The following HERC4 variants were observed in gnomAD, a reference collection of about 807,000 sequenced individuals.
HERC4 encodes the protein HECT and RLD domain containing E3 ubiquitin protein ligase 4, also known as probable E3 ubiquitin-protein ligase HERC4.
In HERC4, 28 loss-of-function variants were observed where a neutral mutation model predicts 124.3. That is an observed-to-expected ratio of 0.23 (90% CI 0.17 to 0.31). HERC4 has a LOEUF of 0.31. Ranked by LOEUF, HERC4 falls within the 10% of genes least tolerant of loss-of-function variation. HERC4 has a pLI of 1.00. For missense variants in HERC4, 713 were observed against 1,229.3 expected (o/e 0.58, Z 6.28); for synonymous variants, 407 against 421.5 (o/e 0.97, Z 0.42).
intron 3 of HERC4, 26 bp downstream of exon 3, chr10:68,072,857 C>A: frequency 1.4e-6 from 2 of 1,474,608 alleles, no homozygotes; most frequent in Non-Finnish European, 1.8e-6. Flanking sequence ...TTAAAAATAG[C>A]AAATTTTAAA....
At chr10:67,963,068 T>C (rs1191747736) in intron 16 of HERC4, among the ~76,000 whole-genome samples, 1 of 152,198 alleles carries the variant, frequency 6.6e-6, no homozygotes, top group Non-Finnish European at 1.5e-5. Context: ...GAACTGAATA[T>C]ATGCTGAGGT....
chr10:67,933,990 A>G (rs1396233509), intron 22 of HERC4, among the ~76,000 whole-genome samples: 1 of 152,218 alleles, frequency 6.6e-6, no homozygotes, highest in Non-Finnish European at 1.5e-5. Context: ...AAAATAGAAG[A>G]GAACAAAGCA....
At chr10:67,963,848 T>C (rs902335129) in intron 16 of HERC4, among the ~76,000 whole-genome samples, 2 of 152,156 alleles carry the variant, frequency 1.3e-5, no homozygotes, top group African/African-American at 4.8e-5. Flanking sequence ...ATATCTATTA[T>C]GCCCATAATG....
intron 19 of HERC4, among the ~76,000 whole-genome samples, chr10:67,948,733 C>A (rs2033574702): frequency 6.6e-6 from 1 of 150,624 alleles, no homozygotes; most frequent in Non-Finnish European, 1.5e-5. Flanking sequence ...CCAGCCTGGC[C>A]AACATGCCAA....
At chr10:67,957,779 G>A (rs1477776310) in intron 16 of HERC4, among the ~76,000 whole-genome samples, 2 of 152,068 alleles carry the variant, frequency 1.3e-5, no homozygotes, top group African/African-American at 4.8e-5. Flanking sequence ...CCACTTCTTA[G>A]TGATTAGACA....
intron 16 of HERC4, among the ~76,000 whole-genome samples, chr10:67,960,505 C>G (rs2034441889): frequency 6.6e-6 from 1 of 152,134 alleles, no homozygotes; most frequent in Non-Finnish European, 1.5e-5. Context: ...CCTGCCTCAG[C>G]CTCCCGAGTA....
intron 24 of HERC4, among the ~76,000 whole-genome samples, chr10:67,923,963 C>T (rs1252175068): frequency 7.9e-5 from 12 of 151,952 alleles, no homozygotes; most frequent in Admixed American, 7.9e-4. Flanking sequence ...GAAAGATACA[C>T]AGGCATCAGT....
chr10:68,060,209 G>A (rs1436887184), intron 3 of HERC4, among the ~76,000 whole-genome samples: 2 of 151,780 alleles, frequency 1.3e-5, no homozygotes, highest in Non-Finnish European at 2.9e-5. Context: ...ATTATAAGGT[G>A]TAAATAATGT....
At chr10:68,048,054 G>A (rs181811127) in intron 3 of HERC4, among the ~76,000 whole-genome samples, 24 of 151,936 alleles carry the variant, frequency 1.6e-4, no homozygotes, top group Admixed American at 1.6e-3. Flanking sequence ...GGGTAGCTGG[G>A]ACTACAAGCA....
intron 5 of HERC4, 104 bp downstream of exon 5, chr10:68,037,989 G>C: frequency 1.5e-6 from 1 of 657,116 alleles, no homozygotes; most frequent in Non-Finnish European, 2.6e-6. Flanking sequence ...CAAGAACCAG[G>C]GCAATCTTGC....
chr10:68,015,538 C>A (rs2038212919), intron 8 of HERC4, among the ~76,000 whole-genome samples: 1 of 151,904 alleles, frequency 6.6e-6, no homozygotes, highest in African/African-American at 2.4e-5. Context: ...TTTCAAATTT[C>A]TTTTGTTTTT....
At chr10:67,943,564 A>C (rs773761792) in intron 19 of HERC4, among the ~76,000 whole-genome samples, 3 of 152,218 alleles carry the variant, frequency 2.0e-5, no homozygotes, top group Admixed American at 6.5e-5. Flanking sequence ...CGGAGGTATT[A>C]GAGTGGGGTT....
chr10:67,992,115 T>C, intron 11 of HERC4, 84 bp downstream of exon 11: 1 of 1,344,172 alleles, frequency 7.4e-7, no homozygotes. Context: ...CAGGCTGGTC[T>C]CCAATTCCTG....
In HERC4 at chr10:68,054,302, CTTCT is replaced by C. The variant is rs575294701; in HGVS notation, c.227-9743_227-9740del. On this transcript the variant is annotated intron_variant, in intron 3 of 24. Transcript: ENST00000373700. Reference sequence around the variant, plus strand: ...TTTTATAATTTTTTTTTCTTTTCTTCTTCTTTGTTTTATTAAACAACTGAATGTG... The same window carrying C: ...TTTTATAATTTTTTTTTCTTTTCTTCTTGTTTTATTAAACAACTGAATGTG... 1.2e-3 allele frequency among the ~76,000 whole-genome samples: 184 copies of C among 149,140 alleles called. 5 individuals carry two copies. The South Asian group carries it at 0.031, about 25-fold the overall frequency.
chr10:68,069,922 G>T, intron 3 of HERC4: 1 of 395,902 alleles, frequency 2.5e-6, no homozygotes, highest in Non-Finnish European at 3.4e-6. Context: ...CGCCCCTATA[G>T]TCCCACCTAC....
intron 1 of HERC4, chr10:68,074,053 T>C (rs1409308767): frequency 2.0e-5 from 3 of 152,160 alleles, no homozygotes; most frequent in South Asian, 2.1e-4. Flanking sequence ...CGGGGGGGAA[T>C]TGCAAATAAC....
At chr10:68,028,741 T>TTTTA (rs1245260874) in intron 7 of HERC4, among the ~76,000 whole-genome samples, 11 of 152,164 alleles carry the variant, frequency 7.2e-5, no homozygotes, top group African/African-American at 2.7e-4. Context: ...GATCACAAGG[T>TTTTA]TTTAATTCCT....
chr10:67,946,550 T>C (rs1003947554), intron 19 of HERC4, among the ~76,000 whole-genome samples: 7 of 152,090 alleles, frequency 4.6e-5, no homozygotes, highest in Non-Finnish European at 8.8e-5. Flanking sequence ...ACAAAAACTA[T>C]AGAAGAAGAC....
In HERC4 at chr10:67,926,422, A is replaced by AC. The variant is rs1263332952; in HGVS notation, c.2839-1236_2839-1235insG. 1.0e-4 allele frequency among the ~76,000 whole-genome samples: 15 copies of AC among 149,540 alleles called. No homozygotes were observed. The East Asian group carries it at 2.4e-3, about 24-fold the overall frequency. ...CAATAAAAAAAATAAAAAATAAAAAAAAAAAAAAACAAAAAAATTAGTACT... is the reference window on the plus strand; with the variant it reads ...CAATAAAAAAAATAAAAAATAAAAAACAAAAAAAAACAAAAAAATTAGTACT... On this transcript the variant is annotated intron_variant, in intron 23 of 24. Coordinates refer to ENST00000373700, the MANE Select transcript of HERC4 (RefSeq NM_015601.4).
Sources: gnomAD v4.1 joint callset for allele counts (sites outside exome capture counted in the v4.1 genomes callset) on GRCh38, gnomAD v4.1.1 for gene constraint, MANE v1.5 for transcripts, NCBI Gene and HGNC (gene_info 2026-07-23, HGNC 2026-07-21) for gene names.